ATP2B2: variants seen among roughly 807,000 people sequenced by gnomAD.
ATP2B2 encodes the protein ATPase plasma membrane Ca2+ transporting 2.
A neutral mutation model predicts 120.0 loss-of-function variants in ATP2B2; 15 were observed. The ratio of observed to expected loss-of-function variants is 0.12; its 90% confidence interval spans 0.08 to 0.19. The LOEUF is 0.19. Ranked by LOEUF, ATP2B2 falls within the 10% of genes least tolerant of loss-of-function variation. The probability of loss-of-function intolerance (pLI) is 1.00; values close to 1 mark genes in which losing one functional copy is unlikely to be tolerated. For missense variants in ATP2B2, 1,045 were observed against 1,719.8 expected (o/e 0.61, Z 6.94); for synonymous variants, 694 against 700.3 (o/e 0.99, Z 0.14).
At chr3:10,589,326 T>G (rs1057255553) in intron 2 of ATP2B2, among the ~76,000 whole-genome samples, 1 of 152,106 alleles carries the variant, frequency 6.6e-6, no homozygotes, top group African/African-American at 2.4e-5. Flanking sequence ...ATTAGTAAAC[T>G]TTTGTTGAGT....
At chr3:10,682,183 G>A (rs1441270024) in intron 1 of ATP2B2, among the ~76,000 whole-genome samples, 1 of 152,180 alleles carries the variant, frequency 6.6e-6, no homozygotes, top group African/African-American at 2.4e-5. Context: ...TTCCATCCAT[G>A]CCTCATAAAT....
chr3:10,634,072 C>T lies in ATP2B2; in HGVS notation c.-459-14111G>A, dbSNP rs560831929. Among the ~76,000 whole-genome samples the T allele has an allele frequency of 6.8e-4, 104 of 152,274 alleles. 2 individuals carry two copies. In the South Asian group the frequency reaches 0.021, roughly 31 times the overall value. ...CCTTTCTGCCTAACTTTGGACGCTT[C>T]CCTGTGAGGAGGTGGGGCTTGAACC... On this transcript the variant is annotated intron_variant, in intron 1 of 21. Transcript: ENST00000646379.
chr3:10,609,532 G>A (rs958794887), intron 2 of ATP2B2, among the ~76,000 whole-genome samples: 6 of 152,198 alleles, frequency 3.9e-5, no homozygotes, highest in African/African-American at 1.4e-4. Context: ...GTGGGGGTTG[G>A]ATGGTAAAGC....
intron 3 of ATP2B2, among the ~76,000 whole-genome samples, chr3:10,405,922 G>A (rs1441894722): frequency 2.0e-5 from 3 of 152,228 alleles, no homozygotes; most frequent in Non-Finnish European, 2.9e-5. Flanking sequence ...TAGGGGCACT[G>A]AGTGTGCCAA....
At chr3:10,600,249 C>A (rs1208720057) in intron 2 of ATP2B2, among the ~76,000 whole-genome samples, 1 of 152,190 alleles carries the variant, frequency 6.6e-6, no homozygotes, top group Non-Finnish European at 1.5e-5. Context: ...CCCAGAAGTG[C>A]CGTTAACTGG....
At chr3:10,695,251 G>GGAGGGGGAGAGAGAGAGAGAGAGA (rs60247955) in intron 1 of ATP2B2, among the ~76,000 whole-genome samples, 5 of 126,908 alleles carry the variant, frequency 3.9e-5, no homozygotes, top group African/African-American at 1.4e-4. Context: ...AGGGAGGGAG[G>GGAGGGGGAGAGAGAGAGAGAGAGA]GAGAGAGAGA....
intron 1 of ATP2B2, among the ~76,000 whole-genome samples, chr3:10,674,778 A>G (rs1284982554): frequency 2.6e-5 from 4 of 152,168 alleles, no homozygotes; most frequent in African/African-American, 4.8e-5. Flanking sequence ...GTGCTTGAGC[A>G]TAAGAACAAA....
At chr3:10,381,065 T>C (rs901267379) in intron 8 of ATP2B2, among the ~76,000 whole-genome samples, 2 of 152,214 alleles carry the variant, frequency 1.3e-5, no homozygotes, top group African/African-American at 2.4e-5. Flanking sequence ...GCAGGATTAG[T>C]TCATCACTGT....
intron 2 of ATP2B2, among the ~76,000 whole-genome samples, chr3:10,440,594 G>A (rs907690834): frequency 2.6e-5 from 4 of 152,136 alleles, no homozygotes; most frequent in African/African-American, 7.2e-5. Flanking sequence ...CATTAACTGC[G>A]TGTGCTTCCC....
intron 2 of ATP2B2, among the ~76,000 whole-genome samples, chr3:10,583,361 A>G (rs907705881): frequency 1.3e-5 from 2 of 152,200 alleles, no homozygotes; most frequent in African/African-American, 4.8e-5. Context: ...CCAACTCCCA[A>G]TAAAGTGCCT....
intron 2 of ATP2B2, among the ~76,000 whole-genome samples, chr3:10,599,580 C>G (rs1432992593): frequency 6.6e-6 from 1 of 152,152 alleles, no homozygotes; most frequent in Non-Finnish European, 1.5e-5. Context: ...CCGAATCTGA[C>G]AGGGGCTCAG....
chr3:10,595,135 C>T (rs528298879), intron 2 of ATP2B2, among the ~76,000 whole-genome samples: 7 of 152,232 alleles, frequency 4.6e-5, no homozygotes, highest in Non-Finnish European at 1.0e-4. Flanking sequence ...GCAGTGCATT[C>T]CTAGATTCTC....
chr3:10,683,760 G>GTGTGTATA (rs1446781892), intron 1 of ATP2B2, among the ~76,000 whole-genome samples: 73 of 53,874 alleles, frequency 1.4e-3, no homozygotes, highest in South Asian at 1.9e-3. Context: ...GTGTGTGTGT[G>GTGTGTATA]TATATATATA....
intron 3 of ATP2B2, among the ~76,000 whole-genome samples, chr3:10,512,464 GCACACACACACACACACACA>G (rs6147706): frequency 1.1e-4 from 15 of 137,024 alleles, no homozygotes; most frequent in South Asian, 7.0e-4. Context: ...AAGTGTGTGC[GCACACACACACACACACACA>G]CACACACACA....
chr3:10,350,269 G>T (rs2060542151), intron 15 of ATP2B2, 70 bp from the exon 16 acceptor site: 1 of 1,576,128 alleles, frequency 6.3e-7, no homozygotes, highest in East Asian at 2.3e-5. Flanking sequence ...GAGAAGGGAG[G>T]GGACATGCCC....
intron 22 of ATP2B2, among the ~76,000 whole-genome samples, chr3:10,334,620 C>T (rs1234724821): frequency 1.3e-5 from 2 of 152,134 alleles, no homozygotes; most frequent in East Asian, 1.9e-4. Context: ...ATCTTGGCTC[C>T]CCGGTCCTCC....
chr3:10,628,901 A>C (rs2069783604), intron 1 of ATP2B2, among the ~76,000 whole-genome samples: 1 of 152,256 alleles, frequency 6.6e-6, no homozygotes, highest in South Asian at 2.1e-4. Context: ...CCAACTGATC[A>C]GTATATAACC....
At chr3:10,545,691 T>G (rs189284615) in intron 2 of ATP2B2, among the ~76,000 whole-genome samples, 1 of 152,236 alleles carries the variant, frequency 6.6e-6, no homozygotes, top group African/African-American at 2.4e-5. Context: ...CATTTGATCA[T>G]AAAGATGTTC....
At chr3:10,456,023 G>A (rs1174183356) in intron 1 of ATP2B2, among the ~76,000 whole-genome samples, 1 of 152,214 alleles carries the variant, frequency 6.6e-6, no homozygotes. Flanking sequence ...ACATTTCAAT[G>A]ACTCAAGAAT....
Sources: allele counts gnomAD v4.1 joint callset (sites outside exome capture counted in the v4.1 genomes callset), GRCh38; gene constraint gnomAD v4.1.1; transcripts MANE v1.5; gene names NCBI Gene and HGNC (gene_info 2026-07-23, HGNC 2026-07-21).